The following NFIB variants were observed in gnomAD, a reference collection of about 807,000 sequenced individuals.
The protein encoded by NFIB is nuclear factor 1 B-type.
NFIB carries 11 observed loss-of-function variants against 61.5 expected under a neutral mutation model. The ratio of observed to expected loss-of-function variants is 0.18; its 90% CI spans 0.11 to 0.30. The LOEUF is 0.30. NFIB is among the 10% of genes least tolerant of loss of function. The probability of loss-of-function intolerance (pLI) is 1.00; values close to 1 mark genes in which losing one functional copy is unlikely to be tolerated. For synonymous variants in NFIB, 260 were observed against 216.5 expected, an observed-to-expected ratio of 1.20 and a Z score of -1.76; for missense variants, 471 against 608.9, an observed-to-expected ratio of 0.77 and a Z score of 2.38.
the NFIB span, among the ~76,000 whole-genome samples, chr9:14,419,701 C>T: frequency 6.6e-6 from 1 of 152,118 alleles, no homozygotes; most frequent in Non-Finnish European, 1.5e-5. Context: ...TTTTCTTTTG[C>T]TTTCTTTTTC....
chr9:14,468,747 G>A, the NFIB span, among the ~76,000 whole-genome samples: 1 of 152,196 alleles, frequency 6.6e-6, no homozygotes, highest in Non-Finnish European at 1.5e-5. Context: ...TGAATGCTAG[G>A]TGTTCTACAT....
intron 3 of NFIB, among the ~76,000 whole-genome samples, chr9:14,169,816 TCAAA>T (rs2045364437): frequency 6.6e-6 from 1 of 152,200 alleles, no homozygotes; most frequent in Non-Finnish European, 1.5e-5. Context: ...AGACTCCTTC[TCAAA>T]CAAACAAACA....
At chr9:14,515,089 G>A in the NFIB span, among the ~76,000 whole-genome samples, 3 of 152,220 alleles carry the variant, frequency 2.0e-5, no homozygotes, top group African/African-American at 7.2e-5. Context: ...TTGCACTGCA[G>A]CTAGAATTGG....
intron 2 of NFIB, among the ~76,000 whole-genome samples, chr9:14,281,628 C>A (rs1412682685): frequency 6.6e-6 from 1 of 152,130 alleles, no homozygotes; most frequent in Non-Finnish European, 1.5e-5. Context: ...GTCTATAAAC[C>A]ATGCAGAGAT....
intron 2 of NFIB, among the ~76,000 whole-genome samples, chr9:14,191,742 T>C (rs2047972172): frequency 6.6e-6 from 1 of 152,160 alleles, no homozygotes; most frequent in Non-Finnish European, 1.5e-5. Context: ...TGTGACAAAA[T>C]TTTAACACAG....
rs1424812449 is a variant in NFIB, at chr9:14,146,878, CT to C, written c.807-72del. The stretch of plus-strand genomic sequence containing the variant: ...ATGTGTACATTTTAAAGTAAATGAT[CT>C]GAGAAGATCCTTACTGTGAAAATTT... On this transcript the variant is annotated intron_variant, in intron 5 of 10. Coordinates refer to ENST00000380953, the MANE Select transcript of NFIB (RefSeq NM_001190737.2). 2.5e-6 allele frequency: 4 copies of C among 1,569,308 alleles called. No homozygotes were observed. In the Admixed American group the frequency reaches 8.4e-5, roughly 33 times the overall value.
Position 14,386,333 on chromosome 9 carries a change from T to C in NFIB, c.108+12191A>G, listed in dbSNP as rs663023. Among the ~76,000 whole-genome samples the C allele has an allele frequency of 6.6e-3, 1,009 of 152,292 alleles. 5 individuals are homozygous for C. Among genetic ancestry groups the C allele is most frequent in the African/African-American group, 0.023 (967 of 41,566 alleles). On this transcript the variant is annotated intron_variant, in intron 1 of 8. Coordinates refer to the NFIB transcript ENST00000380934. ...GGAGCATATGCTTGGATGAGTTAGT[T>C]TCTTAAATTCTGAACCCAAAAGAAC...
the NFIB span, among the ~76,000 whole-genome samples, chr9:14,436,855 T>C: frequency 6.6e-6 from 1 of 152,242 alleles, no homozygotes; most frequent in Admixed American, 6.5e-5. Flanking sequence ...AAATGGATCA[T>C]GATTTCACAC....
intron 6 of NFIB, among the ~76,000 whole-genome samples, chr9:14,130,450 G>C (rs1460965241): frequency 6.6e-6 from 1 of 152,098 alleles, no homozygotes; most frequent in Non-Finnish European, 1.5e-5. Context: ...GAACAAACTT[G>C]TTTTCTCCTT....
At chr9:14,197,440 T>A (rs936039217) in intron 2 of NFIB, among the ~76,000 whole-genome samples, 1 of 152,252 alleles carries the variant, frequency 6.6e-6, no homozygotes, top group Non-Finnish European at 1.5e-5. Context: ...CCAATTGAGT[T>A]ATTTGCAAAT....
chr9:14,190,942 C>G (rs1363558285), intron 2 of NFIB, among the ~76,000 whole-genome samples: 6 of 152,214 alleles, frequency 3.9e-5, no homozygotes, highest in Non-Finnish European at 7.4e-5. Flanking sequence ...CCTTTAATCC[C>G]AACACTATGG....
rs561629488 is a variant in NFIB at position 14,156,936 on chromosome 9, C to T, written c.617-1043G>A. Among the ~76,000 whole-genome samples, 18 of 152,266 alleles carry T rather than the reference C, an allele frequency of 1.2e-4. No individual in the cohort carries two copies. In the East Asian group the frequency reaches 2.5e-3, roughly 21 times the overall value. ...TCAGGGCTGACCAAGGAATTAGATGCAGTTCAGAGATGTGAAGCATGGGTA... is the reference window on the plus strand; with the variant it reads ...TCAGGGCTGACCAAGGAATTAGATGTAGTTCAGAGATGTGAAGCATGGGTA... On this transcript the variant is annotated intron_variant, in intron 3 of 10. Coordinates refer to ENST00000380953, the MANE Select transcript of NFIB (RefSeq NM_001190737.2).
chr9:14,488,588 A>G, the NFIB span, among the ~76,000 whole-genome samples: 1 of 152,076 alleles, frequency 6.6e-6, no homozygotes, highest in Non-Finnish European at 1.5e-5. Flanking sequence ...AAGCAAGAAT[A>G]ACTAGTTCCC....
chr9:14,181,970 T>C (rs1352901994), intron 2 of NFIB, among the ~76,000 whole-genome samples: 2 of 152,194 alleles, frequency 1.3e-5, no homozygotes, highest in African/African-American at 2.4e-5. Flanking sequence ...GCAAAACTCT[T>C]TTCCATCATC....
At chr9:14,218,910 A>G (rs2051285054) in intron 2 of NFIB, among the ~76,000 whole-genome samples, 1 of 152,212 alleles carries the variant, frequency 6.6e-6, no homozygotes, top group Non-Finnish European at 1.5e-5. Context: ...TACTCTTCGA[A>G]GTACCACATG....
At chr9:14,229,781 T>G (rs1256870779) in intron 2 of NFIB, among the ~76,000 whole-genome samples, 1 of 152,114 alleles carries the variant, frequency 6.6e-6, no homozygotes, top group Non-Finnish European at 1.5e-5. Context: ...GCTCTAAAAA[T>G]ATCCCCTCCC....
Position 14,306,999 on chromosome 9 carries a change from C to A in NFIB, c.552G>T (p.Val184=). ...ACAATCTGCTCCTACCTTGCTCCTG[C>A]ACGTAGTATGCCAAAAACAAATCAA... ...KELDLFLAYY[V]QEQDSGQSGS... Residue 184 remains valine, a synonymous_variant, in exon 2 of 11, where the codon GTG becomes GTT. Coordinates refer to ENST00000380953, the MANE Select transcript of NFIB (RefSeq NM_001190737.2). 1 of 1,614,052 alleles carries A rather than the reference C, an allele frequency of 6.2e-7. No individual in the cohort carries two copies. The highest frequency in any genetic ancestry group is 1.1e-5 in the South Asian group (1 of 91,072).
At chr9:14,371,851 G>C (rs2061361743) in intron 1 of NFIB, among the ~76,000 whole-genome samples, 1 of 152,086 alleles carries the variant, frequency 6.6e-6, no homozygotes, top group Non-Finnish European at 1.5e-5. Flanking sequence ...CAATGTACTT[G>C]TTCTCAGCAA....
the NFIB span, among the ~76,000 whole-genome samples, chr9:14,500,159 G>C: frequency 6.6e-6 from 1 of 152,128 alleles, no homozygotes; most frequent in African/African-American, 2.4e-5. Context: ...TGTTATCACA[G>C]ATGAGGAAAC....
Sources: allele counts gnomAD v4.1 joint callset (sites outside exome capture counted in the v4.1 genomes callset), GRCh38; gene constraint gnomAD v4.1.1; transcripts MANE v1.5; gene names NCBI Gene and HGNC (gene_info 2026-07-23, HGNC 2026-07-21).